Variants in ADAM18 observed in about 807,000 individuals in gnomAD.
The protein encoded by ADAM18 is ADAM metallopeptidase domain 18.
Under a neutral mutation model 94.4 loss-of-function variants are expected in ADAM18, and 117 were observed. That is an observed-to-expected ratio of 1.24 (90% CI 1.07 to 1.45). The LOEUF is 1.45. Ranked by LOEUF, ADAM18 falls within the 40% of genes most tolerant of loss-of-function variation. The pLI is 0.00. For missense variants in ADAM18, 936 were observed against 880.0 expected (o/e 1.06, Z -0.81); for synonymous variants, 327 against 291.6 (o/e 1.12, Z -1.24).
chr8:39,642,007 A>G (rs1205725415), intron 10 of ADAM18, among the ~76,000 whole-genome samples: 2 of 152,060 alleles, frequency 1.3e-5, no homozygotes, highest in Non-Finnish European at 2.9e-5. Context: ...TTCTCTAATG[A>G]TCAGTGATGT....
chr8:39,708,209 C>T (rs774638921), intron 18 of ADAM18, among the ~76,000 whole-genome samples: 16 of 152,094 alleles, frequency 1.1e-4, no homozygotes, highest in Non-Finnish European at 1.9e-4. Context: ...TACTGTGCAA[C>T]CAAAACTGTA....
chr8:39,708,470 A>G (rs1822301490), intron 18 of ADAM18, among the ~76,000 whole-genome samples: 6 of 152,218 alleles, frequency 3.9e-5, no homozygotes, highest in Admixed American at 3.9e-4. Flanking sequence ...TTCTCAATGA[A>G]CTCTGGAAAA....
intron 16 of ADAM18, among the ~76,000 whole-genome samples, chr8:39,686,151 CT>C (rs1821600807): frequency 1.3e-5 from 2 of 152,250 alleles, no homozygotes; most frequent in African/African-American, 4.8e-5. Flanking sequence ...ACTTCCAAAC[CT>C]TTTTCAGCCT....
intron 18 of ADAM18, among the ~76,000 whole-genome samples, chr8:39,715,612 G>A (rs1822546123): frequency 6.6e-6 from 1 of 151,488 alleles, no homozygotes; most frequent in South Asian, 2.1e-4. Flanking sequence ...ATGAAAGAAG[G>A]CTAACTGCTG....
At chr8:39,668,703 A>G (rs1821063091) in intron 14 of ADAM18, among the ~76,000 whole-genome samples, 2 of 152,166 alleles carry the variant, frequency 1.3e-5, no homozygotes, top group Admixed American at 1.3e-4. Flanking sequence ...AGACTTGTGC[A>G]TATATTCTTG....
chr8:39,629,944 C>T (rs933334970), intron 7 of ADAM18, among the ~76,000 whole-genome samples: 7 of 151,968 alleles, frequency 4.6e-5, no homozygotes, highest in African/African-American at 1.7e-4. Flanking sequence ...TCCTAATGGG[C>T]CATCCTTTCT....
chr8:39,638,921 T>G (rs1820160896), intron 10 of ADAM18, among the ~76,000 whole-genome samples: 1 of 151,884 alleles, frequency 6.6e-6, no homozygotes, highest in African/African-American at 2.4e-5. Flanking sequence ...TTACACATAC[T>G]TTATGCTATT....
At chr8:39,601,116 C>A (rs573966785) in intron 2 of ADAM18, among the ~76,000 whole-genome samples, 2 of 152,260 alleles carry the variant, frequency 1.3e-5, no homozygotes, top group Admixed American at 1.3e-4. Flanking sequence ...TTTTAAACAA[C>A]CAAATCTCGC....
intron 5 of ADAM18, 152 bp from the exon 6 acceptor site, chr8:39,610,377 G>A (rs1049364395): frequency 2.0e-6 from 2 of 1,007,640 alleles, no homozygotes; most frequent in East Asian, 3.1e-5. Context: ...ATGATAAACT[G>A]CCCCCCCAAA....
intron 3 of ADAM18, 78 bp downstream of exon 3, chr8:39,606,440 A>G: frequency 1.1e-6 from 1 of 926,334 alleles, no homozygotes; most frequent in Non-Finnish European, 1.6e-6. Context: ...GTTTTTGTGC[A>G]GTATTTAAAT....
intron 12 of ADAM18, among the ~76,000 whole-genome samples, chr8:39,658,886 C>G (rs1227378994): frequency 6.6e-6 from 1 of 152,098 alleles, no homozygotes; most frequent in Non-Finnish European, 1.5e-5. Flanking sequence ...GGCAGATGTG[C>G]TATTACAACT....
intron 7 of ADAM18, among the ~76,000 whole-genome samples, chr8:39,636,710 T>C (rs977840830): frequency 1.3e-5 from 2 of 151,996 alleles, no homozygotes; most frequent in East Asian, 1.9e-4. Context: ...TCTCGCTTTG[T>C]ACATTAGGTC....
chr8:39,637,544 C>A lies in ADAM18; in HGVS notation c.668C>A (p.Thr223Asn). 1 of 1,607,502 alleles carries A rather than the reference C, an allele frequency of 6.2e-7. No homozygotes were observed. The highest frequency in any genetic ancestry group is 1.7e-5 in the Admixed American group (1 of 59,078). ...QVIGLVNTMF[T>N]QFKLTVILSS... Reference sequence around the variant, plus strand: ...AATACATCTTATTTTTAGATGTTTACCCAGTTCAAATTGACTGTTATACTG... The same window carrying A: ...AATACATCTTATTTTTAGATGTTTAACCAGTTCAAATTGACTGTTATACTG... The change falls in exon 9 of 20, where the codon ACC becomes AAC. Residue 223 changes from threonine (T) to asparagine (N), a missense_variant. Transcript: ENST00000265707.
chr8:39,668,442 T>G (rs890295704), intron 14 of ADAM18, among the ~76,000 whole-genome samples: 4 of 152,190 alleles, frequency 2.6e-5, no homozygotes, highest in Admixed American at 1.3e-4. Flanking sequence ...AAATCCATAT[T>G]TACAGCTCAT....
Position 39,600,246 on chromosome 8 carries a change from C to T in ADAM18, c.133-6061C>T, listed in dbSNP as rs112233845. Among the ~76,000 whole-genome samples, 14 of 152,202 alleles carry T rather than the reference C, an allele frequency of 9.2e-5. 1 individual carries two copies. Among genetic ancestry groups the T allele is most frequent in the African/African-American group, 3.4e-4 (14 of 41,552 alleles). On this transcript the variant is annotated intron_variant, in intron 2 of 19. Transcript: ENST00000265707. ...AAGTTTTATGGATTATGGCTTTAAT[C>T]ATCATTTGTTTAAAATTATTTCTAA...
intron 6 of ADAM18, among the ~76,000 whole-genome samples, chr8:39,621,400 A>T (rs1196980654): frequency 1.3e-5 from 2 of 151,376 alleles, no homozygotes; most frequent in African/African-American, 4.9e-5. Context: ...GTTTATGACC[A>T]CTGGGGAAAA....
At chr8:39,711,233 T>C (rs944257081) in intron 18 of ADAM18, among the ~76,000 whole-genome samples, 3 of 152,134 alleles carry the variant, frequency 2.0e-5, no homozygotes, top group African/African-American at 7.2e-5. Context: ...ACTAAACAAA[T>C]GAACTAATTA....
At chr8:39,652,708 C>A (rs1335278684) in intron 12 of ADAM18, among the ~76,000 whole-genome samples, 1 of 152,162 alleles carries the variant, frequency 6.6e-6, no homozygotes, top group Non-Finnish European at 1.5e-5. Flanking sequence ...GAAACAATAG[C>A]AGTATGTTGA....
intron 6 of ADAM18, among the ~76,000 whole-genome samples, chr8:39,624,621 G>A (rs545872260): frequency 2.0e-5 from 3 of 152,252 alleles, no homozygotes; most frequent in South Asian, 4.2e-4. Context: ...ATGCTGATAT[G>A]TTTCTGTATC....
Sources: gnomAD v4.1 joint callset for allele counts (sites outside exome capture counted in the v4.1 genomes callset) on GRCh38, gnomAD v4.1.1 for gene constraint, MANE v1.5 for transcripts, NCBI Gene and HGNC (gene_info 2026-07-23, HGNC 2026-07-21) for gene names.